Variants in CDH18 observed in about 807,000 individuals in gnomAD.
The protein encoded by CDH18 is cadherin 18, also known as cadherin-18.
CDH18 carries 31 observed loss-of-function variants against 67.9 expected under a neutral mutation model. The observed-to-expected ratio is 0.46, with a 90% CI of 0.34 to 0.62. The LOEUF is 0.62. CDH18 is among the 20% of genes least tolerant of loss of function. The pLI is 0.01. For synonymous variants in CDH18, 362 were observed against 347.2 expected, an observed-to-expected ratio of 1.04 and a Z score of -0.48; for missense variants, 890 against 975.5, an observed-to-expected ratio of 0.91 and a Z score of 1.17.
chr5:19,553,966 G>A (rs150500874), intron 8 of CDH18, among the ~76,000 whole-genome samples: 1 of 152,058 alleles, frequency 6.6e-6, no homozygotes, highest in East Asian at 1.9e-4. Flanking sequence ...AAAAAGTCAC[G>A]CACCTGAAGT....
At chr5:19,572,589 A>T (rs911178423) in intron 7 of CDH18, among the ~76,000 whole-genome samples, 1 of 152,192 alleles carries the variant, frequency 6.6e-6, no homozygotes, top group Non-Finnish European at 1.5e-5. Flanking sequence ...GGTGTCTGGT[A>T]GGCATCCTCT....
chr5:19,569,149 A>C (rs890187784), intron 8 of CDH18, among the ~76,000 whole-genome samples: 2 of 152,234 alleles, frequency 1.3e-5, no homozygotes, highest in African/African-American at 4.8e-5. Context: ...CATTGCTGCC[A>C]GGATTAATTT....
Position 19,994,855 on chromosome 5 carries a change from T to TATATATATAGAG in CDH18, c.-517-2842_-517-2841insCTCTATATATAT, listed in dbSNP as rs760777430. Among the ~76,000 whole-genome samples the TATATATATAGAG allele has an allele frequency of 5.2e-4, 35 of 67,584 alleles. 4 individuals are homozygous for TATATATATAGAG. Among genetic ancestry groups the TATATATATAGAG allele is most frequent in the East Asian group, 3.2e-3 (6 of 1,870 alleles). 44.3% of individuals were successfully genotyped at this position (67,584 alleles called of 152,430 possible). A position where few individuals can be genotyped will look rare whatever the true frequency, so the allele number is the denominator to read the frequency against. ...ATATATATATATATATATATATATA[T>TATATATATAGAG]AGAGAGAGAGAGAGAGAGAGAGATG... On this transcript the variant is annotated intron_variant, in intron 2 of 14. Coordinates refer to the CDH18 transcript ENST00000507958.
chr5:20,292,676 CT>C (rs1404475417), intron 1 of CDH18, among the ~76,000 whole-genome samples: 2 of 151,510 alleles, frequency 1.3e-5, no homozygotes, highest in Non-Finnish European at 2.9e-5. Flanking sequence ...GTGTTCCATG[CT>C]TTTTTTTTCT....
chr5:19,611,920 T>C (rs1303373116), intron 6 of CDH18, among the ~76,000 whole-genome samples: 1 of 150,794 alleles, frequency 6.6e-6, no homozygotes, highest in Non-Finnish European at 1.5e-5. Context: ...CATCTTATCA[T>C]ATTAACTTCA....
At chr5:19,785,680 ATATATATATATATATAT>A (rs1458855645) in intron 3 of CDH18, among the ~76,000 whole-genome samples, 6 of 13,162 alleles carry the variant, frequency 4.6e-4, no homozygotes, top group African/African-American at 9.8e-4. Flanking sequence ...AAAAAAAAAA[ATATATATATATATATAT>A]ATATATATAT....
intron 5 of CDH18, among the ~76,000 whole-genome samples, chr5:19,694,549 T>C (rs1168940272): frequency 6.6e-6 from 1 of 152,150 alleles, no homozygotes; most frequent in Non-Finnish European, 1.5e-5. Flanking sequence ...TAATAACAGA[T>C]ATTTAATATT....
chr5:19,564,970 G>T (rs573529912), intron 8 of CDH18, among the ~76,000 whole-genome samples: 2 of 152,034 alleles, frequency 1.3e-5, no homozygotes, highest in African/African-American at 4.8e-5. Context: ...AAAAGAAGAG[G>T]GAAGAGCGGG....
At chr5:19,712,224 T>C (rs1764793353) in intron 5 of CDH18, among the ~76,000 whole-genome samples, 1 of 152,008 alleles carries the variant, frequency 6.6e-6, no homozygotes, top group Admixed American at 6.6e-5. Context: ...GTGTTTATTA[T>C]ACCAAAAGCC....
rs139147584 is a variant in CDH18 at position 19,826,945 on chromosome 5, T to C, written c.228+11814A>G. 3.8e-3 allele frequency among the ~76,000 whole-genome samples: 578 copies of C among 152,186 alleles called. 5 individuals carry two copies. The highest frequency in any genetic ancestry group is 0.013 in the African/African-American group (554 of 41,534). On this transcript the variant is annotated intron_variant, in intron 3 of 12. Coordinates refer to ENST00000382275, the MANE Select transcript of CDH18 (RefSeq NM_004934.5). ...TAAAGGCACAGAGTGGTAAGTGAGA[T>C]GAAGAAACAAGACTCAACTCCACGC... is the stretch of plus-strand genomic sequence containing the variant.
chr5:19,944,546 A>C (rs1795117056), intron 2 of CDH18, among the ~76,000 whole-genome samples: 1 of 152,124 alleles, frequency 6.6e-6, no homozygotes, highest in South Asian at 2.1e-4. Context: ...AATGCATTGT[A>C]CTTTATGATA....
chr5:20,468,963 G>A (rs981088275), intron 1 of CDH18, among the ~76,000 whole-genome samples: 1 of 152,214 alleles, frequency 6.6e-6, no homozygotes, highest in African/African-American at 2.4e-5. Flanking sequence ...TTAGTTATCA[G>A]TTGATCTAAA....
chr5:20,441,740 C>G (rs936052948), intron 1 of CDH18, among the ~76,000 whole-genome samples: 1 of 151,508 alleles, frequency 6.6e-6, no homozygotes, highest in Non-Finnish European at 1.5e-5. Context: ...TTTTAGGGAA[C>G]TACATATTGT....
chr5:20,271,140 G>A (rs1308516567), intron 1 of CDH18, among the ~76,000 whole-genome samples: 1 of 151,832 alleles, frequency 6.6e-6, no homozygotes, highest in African/African-American at 2.4e-5. Context: ...TAAAATAAAA[G>A]TTAAGTAGTA....
chr5:20,430,273 C>T (rs1019790060), intron 1 of CDH18, among the ~76,000 whole-genome samples: 2 of 152,178 alleles, frequency 1.3e-5, no homozygotes, highest in African/African-American at 2.4e-5. Context: ...TCAGACACTT[C>T]TGATGTGCCG....
In CDH18 at chr5:19,791,404, A is replaced by G. The variant is rs1226491102; in HGVS notation, c.229-44168T>C. Among the ~76,000 whole-genome samples the G allele has an allele frequency of 2.3e-5, 3 of 131,010 alleles. No homozygotes were observed. In the Admixed American group the frequency reaches 2.4e-4, roughly 11 times the overall value. The allele number at this position is 131,010 out of a possible 152,430, so 85.9% of individuals were successfully genotyped here. On this transcript the variant is annotated intron_variant, in intron 3 of 12. Coordinates refer to ENST00000382275, the MANE Select transcript of CDH18 (RefSeq NM_004934.5). ...ACACACACACACATCTGTTCAGCAC[A>G]TATTTAGTAGGGGCAGAAAGAAAAA...
chr5:19,754,081 A>C (rs890468091), intron 3 of CDH18, among the ~76,000 whole-genome samples: 13 of 152,128 alleles, frequency 8.5e-5, no homozygotes, highest in African/African-American at 2.2e-4. Context: ...AAAACCAAAA[A>C]CAAAACAAAC....
At chr5:19,956,479 T>C (rs946840648) in intron 2 of CDH18, among the ~76,000 whole-genome samples, 6 of 151,910 alleles carry the variant, frequency 3.9e-5, no homozygotes, top group African/African-American at 1.2e-4. Context: ...AATTCTTTCA[T>C]TACAGAGTGA....
chr5:20,190,011 T>G (rs752181407), intron 2 of CDH18, among the ~76,000 whole-genome samples: 3 of 152,106 alleles, frequency 2.0e-5, no homozygotes, highest in Non-Finnish European at 4.4e-5. Flanking sequence ...AGACTTTAGA[T>G]GTGGCACATG....
Sources: gnomAD v4.1 joint callset for allele counts (sites outside exome capture counted in the v4.1 genomes callset) on GRCh38, gnomAD v4.1.1 for gene constraint, MANE v1.5 for transcripts, NCBI Gene and HGNC (gene_info 2026-07-23, HGNC 2026-07-21) for gene names.